STAG1: variants seen among roughly 807,000 people sequenced by gnomAD.
STAG1 encodes the protein cohesin subunit SA-1.
Under a neutral mutation model 170.9 loss-of-function variants are expected in STAG1, and 26 were observed. That is an observed-to-expected ratio of 0.15 (90% CI 0.11 to 0.21). The LOEUF (loss-of-function observed/expected upper bound fraction) is 0.21. Ranked by LOEUF, STAG1 falls within the 10% of genes least tolerant of loss-of-function variation. The pLI is 1.00. For missense variants in STAG1, 964 were observed against 1,509.5 expected, an observed-to-expected ratio of 0.64 and a Z score of 5.99; for synonymous variants, 514 against 497.7, an observed-to-expected ratio of 1.03 and a Z score of -0.44.
chr3:136,384,464 A>G lies in STAG1; in HGVS notation c.2278-6712T>C, dbSNP rs189744802. On this transcript the variant is annotated intron_variant, in intron 22 of 33. Transcript: ENST00000383202. Reference sequence around the variant, plus strand: ...GACTCCGTCTCAAAAAGAAGAAGAAAAAAAAAAAAAAAAGAAATTTGAGGC... The same window carrying G: ...GACTCCGTCTCAAAAAGAAGAAGAAGAAAAAAAAAAAAAGAAATTTGAGGC... Among the ~76,000 whole-genome samples, 457 of 150,948 alleles carry G rather than the reference A, an allele frequency of 3.0e-3. 2 individuals are homozygous for G. The highest frequency in any genetic ancestry group is 4.6e-3 in the Non-Finnish European group (311 of 67,730).
chr3:136,649,628 A>AT, intron 1 of STAG1, among the ~76,000 whole-genome samples: 1 of 151,326 alleles, frequency 6.6e-6, no homozygotes, highest in Middle Eastern at 3.4e-3. Context: ...CTAATATAAA[A>AT]TAACAGGCCA....
intron 22 of STAG1, among the ~76,000 whole-genome samples, chr3:136,391,099 C>T (rs1046658408): frequency 6.6e-6 from 1 of 152,138 alleles, no homozygotes; most frequent in Non-Finnish European, 1.5e-5. Context: ...CTAAATACCT[C>T]AATAATAATT....
chr3:136,519,042 T>C (rs1031721097), intron 7 of STAG1, among the ~76,000 whole-genome samples: 1 of 151,690 alleles, frequency 6.6e-6, no homozygotes, highest in Admixed American at 6.6e-5. Context: ...TTACTAAAAA[T>C]GAGCAAATGA....
chr3:136,370,689 C>A (rs894021140), intron 23 of STAG1, among the ~76,000 whole-genome samples: 1 of 152,174 alleles, frequency 6.6e-6, no homozygotes, highest in African/African-American at 2.4e-5. Context: ...AGGACATGAA[C>A]TCATCATTTT....
At chr3:136,558,767 C>T (rs975714543) in intron 5 of STAG1, among the ~76,000 whole-genome samples, 14 of 152,260 alleles carry the variant, frequency 9.2e-5, no homozygotes, top group Admixed American at 3.9e-4. Context: ...CCCCTCAGTA[C>T]GCAAACTAGA....
intron 1 of STAG1, among the ~76,000 whole-genome samples, chr3:136,748,258 A>C (rs1375853865): frequency 6.6e-6 from 1 of 151,830 alleles, no homozygotes; most frequent in East Asian, 2.0e-4. Flanking sequence ...AAAATTAGCT[A>C]GGTGTACTGG....
At chr3:136,556,418 A>C (rs926647879) in intron 5 of STAG1, among the ~76,000 whole-genome samples, 14 of 152,188 alleles carry the variant, frequency 9.2e-5, no homozygotes, top group Admixed American at 9.2e-4. Flanking sequence ...AGATGCTGCT[A>C]AATGTCCTAC....
intron 5 of STAG1, among the ~76,000 whole-genome samples, chr3:136,546,438 G>C (rs1936158968): frequency 6.6e-6 from 1 of 151,990 alleles, no homozygotes; most frequent in South Asian, 2.1e-4. Context: ...AGAAAATCGA[G>C]AACTCAGGCA....
At chr3:136,741,571 C>T (rs993413595) in intron 1 of STAG1, among the ~76,000 whole-genome samples, 1 of 152,100 alleles carries the variant, frequency 6.6e-6, no homozygotes, top group African/African-American at 2.4e-5. Context: ...CGGGTTCAAG[C>T]GATTCTCCTG....
intron 1 of STAG1, among the ~76,000 whole-genome samples, chr3:136,646,881 C>A (rs2107851854): frequency 6.6e-6 from 1 of 152,144 alleles, no homozygotes; most frequent in East Asian, 1.9e-4. Context: ...CACTGCACTC[C>A]AGCCTGGGCA....
chr3:136,450,306 G>A (rs1018137262), intron 14 of STAG1, among the ~76,000 whole-genome samples: 10 of 152,114 alleles, frequency 6.6e-5, no homozygotes, highest in Non-Finnish European at 1.2e-4. Flanking sequence ...CCCCATTCTA[G>A]AGCTATTGAA....
chr3:136,595,799 C>G (rs1938401845), intron 4 of STAG1, among the ~76,000 whole-genome samples: 1 of 151,154 alleles, frequency 6.6e-6, no homozygotes, highest in African/African-American at 2.4e-5. Context: ...TCCAGCCTTA[C>G]CTGCCCACCA....
chr3:136,473,380 G>A (rs2089671972), intron 11 of STAG1, among the ~76,000 whole-genome samples, 159 bp downstream of exon 11: 1 of 152,118 alleles, frequency 6.6e-6, no homozygotes, highest in Non-Finnish European at 1.5e-5. Flanking sequence ...CAGAAAAACT[G>A]TCTTCCATGA....
chr3:136,678,843 A>AT (rs1942225942), intron 1 of STAG1, among the ~76,000 whole-genome samples: 1 of 141,962 alleles, frequency 7.0e-6, no homozygotes, highest in South Asian at 2.3e-4. Flanking sequence ...CAAGACCCCC[A>AT]TGCTCACAAA....
Position 136,474,889 on chromosome 3 carries a change from G to T in STAG1, c.1027-1252C>A, listed in dbSNP as rs1033834802. On this transcript the variant is annotated intron_variant, in intron 10 of 33. Transcript: ENST00000383202. ...CACCTAGCACATAGACCCCTAGGAG[G>T]TTATGCTCCATCTTTCCTCTCCCAA... is the stretch of plus-strand genomic sequence containing the variant. Among the ~76,000 whole-genome samples the T allele has an allele frequency of 3.9e-5, 6 of 152,216 alleles. No homozygotes were observed. In the East Asian group the frequency reaches 7.7e-4, roughly 20 times the overall value.
intron 13 of STAG1, among the ~76,000 whole-genome samples, chr3:136,458,040 A>C (rs2089167575): frequency 6.6e-6 from 1 of 152,198 alleles, no homozygotes; most frequent in Admixed American, 6.5e-5. Flanking sequence ...GAAAAGCCAA[A>C]ACATGGGAGG....
intron 5 of STAG1, among the ~76,000 whole-genome samples, chr3:136,552,489 A>T (rs2107740256): frequency 6.6e-6 from 1 of 152,342 alleles, no homozygotes; most frequent in South Asian, 2.1e-4. Flanking sequence ...TGAAGCAGGA[A>T]GATATTAGGA....
chr3:136,425,595 A>G (rs1027326001), intron 16 of STAG1, among the ~76,000 whole-genome samples: 1 of 141,484 alleles, frequency 7.1e-6, no homozygotes, highest in Non-Finnish European at 1.6e-5. Flanking sequence ...TAAGTTTGGG[A>G]AAAAAACTCA....
intron 1 of STAG1, among the ~76,000 whole-genome samples, chr3:136,721,997 AG>A (rs1226372438): frequency 6.6e-6 from 1 of 152,082 alleles, no homozygotes; most frequent in Non-Finnish European, 1.5e-5. Context: ...CAAGAAGGAC[AG>A]ATCGCTTGAG....
Sources: allele counts gnomAD v4.1 joint callset (sites outside exome capture counted in the v4.1 genomes callset), GRCh38; gene constraint gnomAD v4.1.1; transcripts MANE v1.5; gene names NCBI Gene and HGNC (gene_info 2026-07-23, HGNC 2026-07-21).